Variants in SLC25A26 observed in about 807,000 individuals in gnomAD.
SLC25A26 encodes the protein mitochondrial S-adenosylmethionine carrier protein.
In SLC25A26, 36 loss-of-function variants were observed where a neutral mutation model predicts 37.8. The observed-to-expected ratio is 0.95, with a 90% confidence interval of 0.73 to 1.26. The LOEUF is 1.26. SLC25A26 is among the 50% of genes most tolerant of loss of function. The pLI is 0.00. For missense variants in SLC25A26, 390 were observed against 331.1 expected, an observed-to-expected ratio of 1.18 and a Z score of -1.38; for synonymous variants, 129 against 122.5, an observed-to-expected ratio of 1.05 and a Z score of -0.35.
intron 1 of SLC25A26, 22 bp from the exon 2 acceptor site, chr3:66,236,521 TC>T: frequency 7.0e-7 from 1 of 1,432,698 alleles, no homozygotes; most frequent in Non-Finnish European, 9.2e-7. Flanking sequence ...TTTTTCTTTT[TC>T]TTCCCTCTTT....
intron 5 of SLC25A26, among the ~76,000 whole-genome samples, chr3:66,266,734 C>G (rs765008185): frequency 1.3e-5 from 2 of 151,996 alleles, no homozygotes; most frequent in Non-Finnish European, 2.9e-5. Flanking sequence ...GTTCATTTTT[C>G]TCATGATCTT....
intron 5 of SLC25A26, among the ~76,000 whole-genome samples, chr3:66,294,556 T>G (rs994157144): frequency 1.3e-5 from 2 of 152,214 alleles, no homozygotes; most frequent in African/African-American, 4.8e-5. Flanking sequence ...ATTTATTTCA[T>G]GCATAACTCC....
chr3:66,269,591 T>C (rs192346507), intron 5 of SLC25A26, among the ~76,000 whole-genome samples: 2 of 152,334 alleles, frequency 1.3e-5, no homozygotes, highest in South Asian at 2.1e-4. Flanking sequence ...CTTATTCTTA[T>C]GGAGATTGCA....
chr3:66,141,705 G>A (rs368866135), intron 1 of SLC25A26, among the ~76,000 whole-genome samples: 23 of 152,162 alleles, frequency 1.5e-4, no homozygotes, highest in African/African-American at 4.8e-4. Context: ...TTAGAGACAG[G>A]GTTTCACCAT....
At chr3:66,198,797 T>G (rs1054478583) in intron 1 of SLC25A26, among the ~76,000 whole-genome samples, 1 of 152,014 alleles carries the variant, frequency 6.6e-6, no homozygotes, top group Non-Finnish European at 1.5e-5. Context: ...TACCCTCACG[T>G]TCCCAGTGGC....
chr3:66,327,604 G>T (rs2075869558), intron 5 of SLC25A26, among the ~76,000 whole-genome samples: 1 of 151,738 alleles, frequency 6.6e-6, no homozygotes. Context: ...TTCACTGAAA[G>T]GATTAATCCA....
intron 1 of SLC25A26, among the ~76,000 whole-genome samples, chr3:66,159,979 T>C (rs998131155): frequency 3.0e-4 from 46 of 152,248 alleles, no homozygotes; most frequent in African/African-American, 9.6e-4. Context: ...AGACCTGCGC[T>C]GCATTAATAA....
intron 1 of SLC25A26, among the ~76,000 whole-genome samples, chr3:66,231,016 A>T (rs1364856026): frequency 1.3e-5 from 2 of 152,014 alleles, no homozygotes; most frequent in Non-Finnish European, 2.9e-5. Flanking sequence ...TTCTGCTAAA[A>T]ATATAAAAAT....
intron 1 of SLC25A26, among the ~76,000 whole-genome samples, chr3:66,207,361 A>C (rs1444111052): frequency 1.1e-4 from 16 of 152,170 alleles, no homozygotes; most frequent in Admixed American, 1.0e-3. Context: ...TTTCACGGCA[A>C]ACAAGCCAGG....
chr3:66,219,089 G>T (rs971062400), upstream of SLC25A26, among the ~76,000 whole-genome samples: 10 of 152,198 alleles, frequency 6.6e-5, no homozygotes, highest in South Asian at 2.1e-4. Flanking sequence ...GGAGGTGGGC[G>T]CTACTGTAAT....
At chr3:66,236,119 A>G (rs2072266007) in intron 1 of SLC25A26, among the ~76,000 whole-genome samples, 1 of 149,890 alleles carries the variant, frequency 6.7e-6, no homozygotes, top group South Asian at 2.1e-4. Flanking sequence ...ACTGTGTTGC[A>G]CAGGCTGGTA....
chr3:66,179,022 T>C (rs941367700), intron 1 of SLC25A26, among the ~76,000 whole-genome samples: 3 of 152,186 alleles, frequency 2.0e-5, no homozygotes, highest in Admixed American at 2.0e-4. Flanking sequence ...TTCAGCTTTA[T>C]CTGTACGTTT....
At position 66,151,282 on chromosome 3, in the gene SLC25A26, G is replaced by A. The variant is rs73835526; in HGVS notation, c.-354+17298G>A. Among the ~76,000 whole-genome samples, 1,192 of 152,118 alleles carry A rather than the reference G, an allele frequency of 7.8e-3. 14 individuals carry two copies. The highest frequency in any genetic ancestry group is 0.027 in the African/African-American group (1,123 of 41,512). Reference sequence around the variant, plus strand: ...CTGCCTACCACCTCCAATAACAAGCGGGCTGTGGGCATGCTAAGCAAAGCT... The same window carrying A: ...CTGCCTACCACCTCCAATAACAAGCAGGCTGTGGGCATGCTAAGCAAAGCT... On this transcript the variant is annotated intron_variant, in intron 1 of 10. Coordinates refer to the SLC25A26 transcript ENST00000676754.
At chr3:66,237,023 G>T (rs782565207) in intron 2 of SLC25A26, among the ~76,000 whole-genome samples, 1 of 152,082 alleles carries the variant, frequency 6.6e-6, no homozygotes, top group Non-Finnish European at 1.5e-5. Flanking sequence ...TTTTTGTAGA[G>T]AATGGGTTTT....
intron 3 of SLC25A26, among the ~76,000 whole-genome samples, chr3:66,244,375 T>A (rs1311448943): frequency 2.0e-5 from 3 of 152,170 alleles, no homozygotes; most frequent in Admixed American, 2.0e-4. Context: ...AAAACTGTAG[T>A]CTTAGTTGGA....
chr3:66,338,514 A>AT (rs1271251403), intron 5 of SLC25A26, among the ~76,000 whole-genome samples: 1 of 152,010 alleles, frequency 6.6e-6, no homozygotes, highest in Non-Finnish European at 1.5e-5. Flanking sequence ...CTAAAAAAAA[A>AT]TTTTTATATC....
chr3:66,287,919 A>C (rs895538764), intron 5 of SLC25A26, among the ~76,000 whole-genome samples: 1 of 152,240 alleles, frequency 6.6e-6, no homozygotes, highest in Non-Finnish European at 1.5e-5. Flanking sequence ...TTCTTTGTAC[A>C]CTATCACTCA....
chr3:66,340,345 A>C (rs1301729677), intron 5 of SLC25A26, among the ~76,000 whole-genome samples: 1 of 152,052 alleles, frequency 6.6e-6, no homozygotes, highest in African/African-American at 2.4e-5. Context: ...GGATTTTTCT[A>C]TTTGTGCAGA....
At chr3:66,261,151 G>T (rs770607112) in intron 3 of SLC25A26, among the ~76,000 whole-genome samples, 8 of 152,278 alleles carry the variant, frequency 5.3e-5, no homozygotes, top group Admixed American at 1.3e-4. Context: ...TCATGTTCAA[G>T]GTTACATATG....
Sources: allele counts gnomAD v4.1 joint callset (sites outside exome capture counted in the v4.1 genomes callset), GRCh38; gene constraint gnomAD v4.1.1; transcripts MANE v1.5; gene names NCBI Gene and HGNC (gene_info 2026-07-23, HGNC 2026-07-21).